The following CSMD1 variants were observed in gnomAD, a reference collection of about 807,000 sequenced individuals.
CSMD1 encodes CUB and sushi domain-containing protein 1.
A neutral mutation model predicts 417.5 loss-of-function variants in CSMD1; 213 were observed. The observed-to-expected ratio is 0.51, with a 90% CI of 0.46 to 0.57. CSMD1 has a LOEUF of 0.57. Among genes scored for constraint, CSMD1 ranks in the 20% least tolerant of loss-of-function variants. The probability of loss-of-function intolerance (pLI) is 0.00; values close to 1 mark genes in which losing one functional copy is unlikely to be tolerated. For synonymous variants in CSMD1, 2,862 were observed against 1,736.8 expected, an observed-to-expected ratio of 1.65 and a Z score of -16.11; for missense variants, 6,923 against 4,529.7, an observed-to-expected ratio of 1.53 and a Z score of -15.17.
intron 3 of CSMD1, among the ~76,000 whole-genome samples, chr8:4,087,638 T>C (rs928610059): frequency 6.6e-6 from 1 of 152,152 alleles, no homozygotes; most frequent in African/African-American, 2.4e-5. Flanking sequence ...TTCGATACTC[T>C]CACATTCTTA....
intron 5 of CSMD1, among the ~76,000 whole-genome samples, chr8:3,862,259 G>T (rs759835912): frequency 6.6e-6 from 1 of 152,114 alleles, no homozygotes; most frequent in Non-Finnish European, 1.5e-5. Context: ...CCACTTAGGG[G>T]ACTGTGATAA....
chr8:3,946,423 G>A (rs867593066), intron 5 of CSMD1, among the ~76,000 whole-genome samples: 1 of 152,012 alleles, frequency 6.6e-6, no homozygotes, highest in Admixed American at 6.6e-5. Flanking sequence ...CATCACCTTG[G>A]CTACTTTAGC....
chr8:4,003,370 G>C (rs745563344), intron 4 of CSMD1, among the ~76,000 whole-genome samples: 2 of 151,808 alleles, frequency 1.3e-5, no homozygotes, highest in Non-Finnish European at 2.9e-5. Flanking sequence ...TCCAGCCTGG[G>C]CGACACAGCA....
At chr8:3,812,440 T>C (rs1281115514) in intron 5 of CSMD1, among the ~76,000 whole-genome samples, 2 of 152,136 alleles carry the variant, frequency 1.3e-5, no homozygotes, top group Non-Finnish European at 2.9e-5. Context: ...GTGCTCACAA[T>C]GATGTGGCTA....
chr8:4,878,567 A>G (rs932088140), intron 1 of CSMD1, among the ~76,000 whole-genome samples: 5 of 151,996 alleles, frequency 3.3e-5, no homozygotes, highest in African/African-American at 1.2e-4. Flanking sequence ...TCAATAGAAT[A>G]CAAGACACAA....
At chr8:4,267,758 G>C (rs552886717) in intron 3 of CSMD1, among the ~76,000 whole-genome samples, 1 of 152,176 alleles carries the variant, frequency 6.6e-6, no homozygotes, top group East Asian at 1.9e-4. Context: ...GCCACTCTTA[G>C]CATCAGAATG....
At chr8:4,458,327 G>A (rs142618890) in intron 2 of CSMD1, among the ~76,000 whole-genome samples, 2 of 151,958 alleles carry the variant, frequency 1.3e-5, no homozygotes, top group African/African-American at 4.8e-5. Flanking sequence ...ACAAGGGATC[G>A]ATTAGCTGAA....
chr8:3,619,472 A>T (rs1261016627), intron 7 of CSMD1, among the ~76,000 whole-genome samples: 1 of 152,218 alleles, frequency 6.6e-6, no homozygotes, highest in South Asian at 2.1e-4. Flanking sequence ...ACAGTCACTG[A>T]AGAAATATAT....
intron 49 of CSMD1, among the ~76,000 whole-genome samples, chr8:3,058,020 T>A (rs897904192): frequency 6.6e-6 from 1 of 152,166 alleles, no homozygotes; most frequent in African/African-American, 2.4e-5. Context: ...ATTCTCACTT[T>A]CTTGCCTTAG....
intron 5 of CSMD1, among the ~76,000 whole-genome samples, chr8:3,963,514 A>G (rs565185325): frequency 1.8e-4 from 27 of 152,324 alleles, no homozygotes; most frequent in African/African-American, 5.8e-4. Flanking sequence ...GTACATTTTA[A>G]AATTCAGAAA....
intron 5 of CSMD1, among the ~76,000 whole-genome samples, chr8:3,896,866 G>C (rs1198275846): frequency 2.6e-5 from 4 of 151,862 alleles, no homozygotes; most frequent in Admixed American, 6.6e-5. Context: ...ATTTTAAAAA[G>C]CGCTTGTCTA....
intron 3 of CSMD1, among the ~76,000 whole-genome samples, chr8:4,281,447 A>T (rs376989361): frequency 6.6e-6 from 1 of 152,170 alleles, no homozygotes; most frequent in African/African-American, 2.4e-5. Flanking sequence ...CTTCAGAAGG[A>T]AACAATTTGA....
At chr8:3,140,079 T>A (rs1030599990) in intron 41 of CSMD1, among the ~76,000 whole-genome samples, 7 of 152,046 alleles carry the variant, frequency 4.6e-5, no homozygotes, top group African/African-American at 1.7e-4. Context: ...AATTTTGGTA[T>A]TTTTAGTAGA....
At chr8:4,689,103 C>T (rs1309463590) in intron 1 of CSMD1, among the ~76,000 whole-genome samples, 5 of 152,150 alleles carry the variant, frequency 3.3e-5, no homozygotes, top group African/African-American at 4.8e-5. Flanking sequence ...TAAATTTGTT[C>T]TCAACCCAAC....
At chr8:3,096,088 G>C (rs546231833) in intron 47 of CSMD1, among the ~76,000 whole-genome samples, 1 of 152,026 alleles carries the variant, frequency 6.6e-6, no homozygotes, top group Non-Finnish European at 1.5e-5. Context: ...AATATCTTGT[G>C]AATTGATATT....
intron 7 of CSMD1, among the ~76,000 whole-genome samples, chr8:3,705,874 G>C (rs543199047): frequency 1.3e-5 from 2 of 152,144 alleles, no homozygotes; most frequent in African/African-American, 4.8e-5. Context: ...TCCACTGAAG[G>C]CACCAGCACT....
intron 3 of CSMD1, among the ~76,000 whole-genome samples, chr8:4,333,966 A>C (rs1268725082): frequency 1.3e-5 from 2 of 152,078 alleles, no homozygotes; most frequent in South Asian, 2.1e-4. Flanking sequence ...ATCACGGCTC[A>C]CTGCAGTCTT....
intron 23 of CSMD1, among the ~76,000 whole-genome samples, chr8:3,328,201 T>G (rs1370327401): frequency 2.0e-5 from 3 of 152,230 alleles, no homozygotes; most frequent in Admixed American, 2.0e-4. Context: ...CGATGCCTCC[T>G]TCTGTGTCTG....
chr8:3,751,163 TAA>T (rs1797318464), intron 6 of CSMD1, among the ~76,000 whole-genome samples: 1 of 152,144 alleles, frequency 6.6e-6, no homozygotes, highest in Non-Finnish European at 1.5e-5. Context: ...AGCTGAACTT[TAA>T]AGTCAGCCTT....
Sources: gnomAD v4.1 joint callset for allele counts (sites outside exome capture counted in the v4.1 genomes callset) on GRCh38, gnomAD v4.1.1 for gene constraint, MANE v1.5 for transcripts, NCBI Gene and HGNC (gene_info 2026-07-23, HGNC 2026-07-21) for gene names.